PLEKHM3: variants seen among roughly 807,000 people sequenced by gnomAD.
The protein encoded by PLEKHM3 is pleckstrin homology domain-containing family M member 3.
Under a neutral mutation model 81.8 loss-of-function variants are expected in PLEKHM3, and 45 were observed. The observed-to-expected ratio is 0.55, with a 90% confidence interval of 0.43 to 0.71. The LOEUF is 0.71. PLEKHM3 is among the 30% of genes least tolerant of loss of function. The probability of loss-of-function intolerance (pLI) is 0.00; values close to 1 mark genes in which losing one functional copy is unlikely to be tolerated. For synonymous variants in PLEKHM3, 352 were observed against 356.4 expected, an observed-to-expected ratio of 0.99 and a Z score of 0.14; for missense variants, 788 against 924.3, an observed-to-expected ratio of 0.85 and a Z score of 1.91.
chr2:207,962,286 A>G (rs1490940752), intron 3 of PLEKHM3, among the ~76,000 whole-genome samples: 1 of 152,166 alleles, frequency 6.6e-6, no homozygotes, highest in Non-Finnish European at 1.5e-5. Context: ...TACATAATGA[A>G]GCCCCAGTAA....
Position 207,930,997 on chromosome 2 carries a change from CCG to C in PLEKHM3, c.1813_1814del (p.Arg605AlafsTer60). On this transcript the variant is annotated frameshift_variant, in exon 5 of 8. Coordinates refer to ENST00000427836, the MANE Select transcript of PLEKHM3 (RefSeq NM_001080475.3). LOFTEE classifies it high-confidence loss of function. The stretch of plus-strand genomic sequence containing the variant: ...AGGCTCGGAGCGACTTCAGCCGCTG[CCG>C]CAGCCGCAGCACGGCGGCCAGCGGC... ...AEPLAAVLRLRQRLKSLRAYL... is the reference protein window; with the variant it reads ...AEPLAAVLRLXQRLKSLRAYL... 2 of 1,613,820 alleles carry C rather than the reference CCG, an allele frequency of 1.2e-6. No homozygotes were observed. Among genetic ancestry groups the C allele is most frequent in the Non-Finnish European group, 1.7e-6 (2 of 1,179,788 alleles).
At chr2:207,980,278 G>A (rs1186202324) in intron 2 of PLEKHM3, among the ~76,000 whole-genome samples, 9 of 152,250 alleles carry the variant, frequency 5.9e-5, no homozygotes, top group Non-Finnish European at 8.8e-5. Flanking sequence ...GCCCAAACCA[G>A]CAGCAAGCCT....
At chr2:208,024,982 T>C (rs567498906) in intron 1 of PLEKHM3, among the ~76,000 whole-genome samples, 1 of 152,338 alleles carries the variant, frequency 6.6e-6, no homozygotes, top group African/African-American at 2.4e-5. Context: ...TCATTTACTA[T>C]ACATTAAAAA....
At chr2:207,987,540 T>G (rs1214789454) in intron 2 of PLEKHM3, among the ~76,000 whole-genome samples, 1 of 152,218 alleles carries the variant, frequency 6.6e-6, no homozygotes, top group Non-Finnish European at 1.5e-5. Context: ...ACATGCGGAC[T>G]CAGCGGGAAA....
intron 6 of PLEKHM3, among the ~76,000 whole-genome samples, chr2:207,898,147 A>G (rs1688285939): frequency 6.6e-6 from 1 of 152,242 alleles, no homozygotes; most frequent in African/African-American, 2.4e-5. Context: ...GACGGAACAA[A>G]AGCAGGCATT....
chr2:207,972,999 A>G (rs1256013578), intron 3 of PLEKHM3, among the ~76,000 whole-genome samples: 1 of 152,254 alleles, frequency 6.6e-6, no homozygotes, highest in East Asian at 1.9e-4. Context: ...ATTCATCCAA[A>G]CTATTTAAAG....
At chr2:207,940,582 G>C (rs1689906843) in intron 4 of PLEKHM3, among the ~76,000 whole-genome samples, 2 of 152,168 alleles carry the variant, frequency 1.3e-5, no homozygotes, top group Non-Finnish European at 2.9e-5. Flanking sequence ...TGAGGCTCTA[G>C]GAAATTCAAG....
intron 6 of PLEKHM3, among the ~76,000 whole-genome samples, chr2:207,896,393 G>A (rs1363040546): frequency 1.3e-5 from 2 of 152,062 alleles, no homozygotes; most frequent in Non-Finnish European, 2.9e-5. Flanking sequence ...TTTAACAGAG[G>A]TTAACAGGAT....
intron 5 of PLEKHM3, among the ~76,000 whole-genome samples, chr2:207,922,961 A>G (rs1276353010): frequency 6.6e-6 from 1 of 152,202 alleles, no homozygotes; most frequent in Non-Finnish European, 1.5e-5. Flanking sequence ...AGAGAAGCCA[A>G]GTCAAGTCGA....
intron 6 of PLEKHM3, among the ~76,000 whole-genome samples, chr2:207,899,240 A>C (rs1688342049): frequency 6.6e-6 from 1 of 152,224 alleles, no homozygotes; most frequent in Non-Finnish European, 1.5e-5. Context: ...CTGAATAGAT[A>C]GTGCCTTCTG....
At chr2:207,846,718 G>A (rs2092385159) in intron 7 of PLEKHM3, among the ~76,000 whole-genome samples, 1 of 149,498 alleles carries the variant, frequency 6.7e-6, no homozygotes, top group Admixed American at 6.7e-5. Flanking sequence ...GCCAGATCCT[G>A]TCTCAAAAAA....
At chr2:208,004,547 A>G (rs1471729404) in intron 1 of PLEKHM3, among the ~76,000 whole-genome samples, 4 of 152,190 alleles carry the variant, frequency 2.6e-5, no homozygotes, top group Non-Finnish European at 4.4e-5. Flanking sequence ...TTTCAACCTT[A>G]GTATTTCATA....
chr2:208,011,785 CTTTTTTTTTT>C (rs1177948830), intron 1 of PLEKHM3, among the ~76,000 whole-genome samples: 6 of 79,978 alleles, frequency 7.5e-5, no homozygotes, highest in East Asian at 3.2e-4. Flanking sequence ...CTCTGATAAA[CTTTTTTTTTT>C]TTTTTTTTTT....
intron 7 of PLEKHM3, among the ~76,000 whole-genome samples, chr2:207,857,522 T>C (rs1334197509): frequency 6.6e-6 from 1 of 152,194 alleles, no homozygotes; most frequent in Non-Finnish European, 1.5e-5. Flanking sequence ...GATTTCAAAA[T>C]TACTAATTCA....
chr2:207,891,426 G>C (rs950635419), intron 6 of PLEKHM3, among the ~76,000 whole-genome samples: 1 of 152,178 alleles, frequency 6.6e-6, no homozygotes, highest in Non-Finnish European at 1.5e-5. Context: ...GGAAACTGAG[G>C]CATAAGTTTA....
At chr2:208,023,787 A>T in intron 1 of PLEKHM3, among the ~76,000 whole-genome samples, 1 of 152,140 alleles carries the variant, frequency 6.6e-6, no homozygotes, top group East Asian at 1.9e-4. Flanking sequence ...AGCATTAAAC[A>T]ACAAATCCCC....
chr2:208,012,407 T>C (rs935850552), intron 1 of PLEKHM3, among the ~76,000 whole-genome samples: 1 of 152,236 alleles, frequency 6.6e-6, no homozygotes, highest in Non-Finnish European at 1.5e-5. Context: ...TTGTCAATTG[T>C]AGTTCCCAAA....
chr2:207,947,574 C>T (rs888270274), intron 3 of PLEKHM3, among the ~76,000 whole-genome samples: 1 of 152,220 alleles, frequency 6.6e-6, no homozygotes, highest in Admixed American at 6.5e-5. Context: ...CATTTCTGGT[C>T]TACAGCTTTC....
intron 6 of PLEKHM3, among the ~76,000 whole-genome samples, chr2:207,877,466 A>G (rs1321881819): frequency 2.0e-5 from 3 of 152,186 alleles, no homozygotes; most frequent in Non-Finnish European, 4.4e-5. Context: ...GGAGTTGTAG[A>G]GGTTTCAGTT....
Sources: allele counts gnomAD v4.1 joint callset (sites outside exome capture counted in the v4.1 genomes callset), GRCh38; gene constraint gnomAD v4.1.1; transcripts MANE v1.5; gene names NCBI Gene and HGNC (gene_info 2026-07-23, HGNC 2026-07-21).